The following CIMIP1 variants were observed in gnomAD, a reference collection of about 807,000 sequenced individuals.
CIMIP1 encodes low in lung cancer 1.
the CIMIP1 span, chr20:58,151,063 C>T: frequency 1.3e-6 from 2 of 1,564,938 alleles, no homozygotes; most frequent in South Asian, 1.2e-5. Flanking sequence ...ACGCGGTGGG[C>T]TCCTGTTCTC....
chr20:58,156,716 C>T, the CIMIP1 span, among the ~76,000 whole-genome samples: 7 of 152,178 alleles, frequency 4.6e-5, no homozygotes, highest in African/African-American at 1.4e-4. Flanking sequence ...TGCACCACGG[C>T]GGACATGGCT....
At chr20:58,157,677 C>T in the CIMIP1 span, among the ~76,000 whole-genome samples, 4 of 152,098 alleles carry the variant, frequency 2.6e-5, no homozygotes, top group South Asian at 2.1e-4. Context: ...AGGTTGTATC[C>T]GGCATGAGAT....
At chr20:58,161,092 C>G in the CIMIP1 span, 1 of 300,348 alleles carries the variant, frequency 3.3e-6, no homozygotes, top group Non-Finnish European at 6.1e-6. Flanking sequence ...AATTTCTATG[C>G]AGGGCTTTAA....
At chr20:58,157,198 C>T in the CIMIP1 span, among the ~76,000 whole-genome samples, 1 of 152,192 alleles carries the variant, frequency 6.6e-6, no homozygotes, top group Non-Finnish European at 1.5e-5. Context: ...ACCCCACCAG[C>T]TCAAGCTATT....
the CIMIP1 span, chr20:58,153,730 G>A: frequency 4.6e-6 from 4 of 871,158 alleles, no homozygotes; most frequent in East Asian, 1.1e-4. Flanking sequence ...AGAGCATGTT[G>A]TAGGCAAAGA....
chr20:58,158,925 C>T, the CIMIP1 span, among the ~76,000 whole-genome samples: 1 of 152,122 alleles, frequency 6.6e-6, no homozygotes, highest in African/African-American at 2.4e-5. Flanking sequence ...GTTTTGTGCA[C>T]CTCTTTTCTC....
the CIMIP1 span, among the ~76,000 whole-genome samples, chr20:58,159,000 T>C: frequency 1.3e-5 from 2 of 152,174 alleles, no homozygotes; most frequent in African/African-American, 4.8e-5. Context: ...GGATGGGCCA[T>C]AGTGAATGAG....
chr20:58,160,873 C>G, the CIMIP1 span: 1 of 1,567,016 alleles, frequency 6.4e-7, no homozygotes, highest in Non-Finnish European at 8.6e-7. Flanking sequence ...ACCAGGCACC[C>G]AGGGCCATGC....
At chr20:58,155,619 A>G in the CIMIP1 span, 1,057 of 1,482,370 alleles carry the variant, frequency 7.1e-4, 6 homozygotes, top group Middle Eastern at 9.2e-3. Context: ...CATTTTCCTA[A>G]GTAAGAAATA....
chr20:58,153,418 G>C, the CIMIP1 span: 1 of 698,222 alleles, frequency 1.4e-6, no homozygotes, highest in African/African-American at 1.8e-5. Flanking sequence ...ACGCTGTCTG[G>C]CTCCTCACTC....
the CIMIP1 span, among the ~76,000 whole-genome samples, chr20:58,160,196 A>T: frequency 6.6e-6 from 1 of 152,166 alleles, no homozygotes; most frequent in Non-Finnish European, 1.5e-5. Flanking sequence ...TTTAAAATTA[A>T]ATTCAGTTGC....
At chr20:58,160,846 G>A in the CIMIP1 span, 4 of 1,599,838 alleles carry the variant, frequency 2.5e-6, no homozygotes, top group Admixed American at 1.7e-5. Flanking sequence ...TCTGCCCAGG[G>A]GTGCTGCATA....
the CIMIP1 span, among the ~76,000 whole-genome samples, chr20:58,153,203 C>T: frequency 6.6e-6 from 1 of 152,164 alleles, no homozygotes; most frequent in African/African-American, 2.4e-5. Context: ...AGTGCCTCCT[C>T]CACTTTTGCA....
chr20:58,151,888 G>T, the CIMIP1 span, among the ~76,000 whole-genome samples: 4 of 152,146 alleles, frequency 2.6e-5, no homozygotes, highest in Admixed American at 2.6e-4. Flanking sequence ...ATTTTAATTG[G>T]CATGCTATCT....
the CIMIP1 span, chr20:58,153,724 C>T: frequency 0.035 from 32,361 of 919,028 alleles, 751 homozygotes; most frequent in Non-Finnish European, 0.045. Context: ...AACTAAAGAG[C>T]ATGTTGTAGG....
chr20:58,157,565 TA>T, the CIMIP1 span, among the ~76,000 whole-genome samples: 1 of 152,218 alleles, frequency 6.6e-6, no homozygotes, highest in Admixed American at 6.5e-5. Context: ...CCATGCAGTT[TA>T]AAAAAGCACT....
At chr20:58,158,416 C>T in the CIMIP1 span, among the ~76,000 whole-genome samples, 11 of 152,264 alleles carry the variant, frequency 7.2e-5, no homozygotes, top group African/African-American at 2.2e-4. Flanking sequence ...TTTGGGAGGC[C>T]GAGACAGGCG....
the CIMIP1 span, among the ~76,000 whole-genome samples, chr20:58,151,872 G>A: frequency 1.3e-5 from 2 of 152,102 alleles, no homozygotes; most frequent in Admixed American, 1.3e-4. Context: ...GACATTTGTC[G>A]TGGATATTTT....
chr20:58,156,270 C>CG, the CIMIP1 span, among the ~76,000 whole-genome samples: 1 of 152,010 alleles, frequency 6.6e-6, no homozygotes, highest in African/African-American at 2.4e-5. Flanking sequence ...TAAGAGAGGG[C>CG]GGGGTGGTCA....
Sources: allele counts gnomAD v4.1 joint callset (sites outside exome capture counted in the v4.1 genomes callset), GRCh38; gene constraint gnomAD v4.1.1; transcripts MANE v1.5; gene names NCBI Gene and HGNC (gene_info 2026-07-23, HGNC 2026-07-21).